Variants in HAGH observed in about 807,000 individuals in gnomAD.
HAGH encodes hydroxyacylglutathione hydrolase, also known as hydroxyacylglutathione hydrolase, mitochondrial.
HAGH carries 29 observed loss-of-function variants against 35.1 expected under a neutral mutation model. That is an observed-to-expected ratio of 0.83 (90% CI 0.62 to 1.13). The LOEUF (loss-of-function observed/expected upper bound fraction) is 1.13, where lower values mean the gene tolerates loss of function less well. Ranked by LOEUF, HAGH falls within the 50% of genes most tolerant of loss-of-function variation. The probability of loss-of-function intolerance (pLI) is 0.00; values close to 1 mark genes in which losing one functional copy is unlikely to be tolerated. For synonymous variants in HAGH, 225 were observed against 176.1 expected, an observed-to-expected ratio of 1.28 and a Z score of -2.20; for missense variants, 478 against 419.6, an observed-to-expected ratio of 1.14 and a Z score of -1.22.
intron 1 of HAGH, among the ~76,000 whole-genome samples, chr16:1,823,445 T>G (rs1324493594): frequency 1.3e-5 from 2 of 151,834 alleles, no homozygotes; most frequent in Non-Finnish European, 2.9e-5. Flanking sequence ...TTTTTTGTAT[T>G]TTTTAGTAGA....
At chr16:1,822,204 CAG>C in intron 3 of HAGH, 94 bp downstream of exon 3, 2 of 778,338 alleles carry the variant, frequency 2.6e-6, no homozygotes, top group Non-Finnish European at 4.4e-6. Context: ...ACAAAGCAGA[CAG>C]AGCCGTGGGG....
At chr16:1,820,268 C>T (rs568771840) in intron 3 of HAGH, among the ~76,000 whole-genome samples, 1 of 133,008 alleles carries the variant, frequency 7.5e-6, no homozygotes, top group East Asian at 2.2e-4. Context: ...ACCTGGTTCC[C>T]ACCCCCACAT....
At chr16:1,814,250 A>G (rs11864471) in intron 7 of HAGH, among the ~76,000 whole-genome samples, 14,030 of 152,112 alleles carry the variant, frequency 0.092, 799 homozygotes, top group African/African-American at 0.16. Context: ...CAAGGTGGGC[A>G]GATCACCTGA....
rs552557392 is a variant in HAGH, at chr16:1,820,217, G to A, written c.315-203C>T. On this transcript the variant is annotated intron_variant, in intron 3 of 8. Transcript: ENST00000397356. The stretch of plus-strand genomic sequence containing the variant: ...ATCCTGTGGCCAGGGTTCCGAGCGT[G>A]GGGGCCTGGGGTTACCACCTGCACG... 1.1e-3 allele frequency among the ~76,000 whole-genome samples: 171 copies of A among 151,926 alleles called. 3 individuals are homozygous for A. The highest frequency in any genetic ancestry group is 3.9e-4 in the Admixed American group (6 of 15,274).
intron 1 of HAGH, chr16:1,826,507 C>G: frequency 1.0e-6 from 1 of 973,944 alleles, no homozygotes; most frequent in Non-Finnish European, 1.2e-6. Context: ...CCCTGCTTAC[C>G]TAGCGCTTTC....
intron 7 of HAGH, among the ~76,000 whole-genome samples, chr16:1,815,609 A>G (rs1265517450): frequency 6.6e-6 from 1 of 152,192 alleles, no homozygotes; most frequent in Non-Finnish European, 1.5e-5. Context: ...GGGACGCCAC[A>G]TGGGAGGGAC....
intron 2 of HAGH, 128 bp downstream of exon 2, chr16:1,822,737 T>A: frequency 1.3e-6 from 1 of 765,900 alleles, no homozygotes; most frequent in Non-Finnish European, 2.2e-6. Context: ...GTTAACAGAG[T>A]GGCCGGAGAC....
intron 2 of HAGH, among the ~76,000 whole-genome samples, chr16:1,822,619 G>C (rs561780124): frequency 6.6e-6 from 1 of 152,188 alleles, no homozygotes; most frequent in Non-Finnish European, 1.5e-5. Context: ...CACCCCCAGA[G>C]GCAGCATGCA....
Position 1,809,762 on chromosome 16 carries a change from C to A in HAGH, c.819G>T (p.Met273Ile), listed in dbSNP as rs778812917. ...LAEEFTYNPF[M>I]RVREKTVQQH... ...CCTGCCCTGGGCCTCACCTCACTCT[C>A]ATGAAGGGGTTGTAGGTAAACTCCT... The change falls in exon 8 of 9, where the codon ATG becomes ATT. Residue 273 changes from methionine (M) to isoleucine (I), a missense_variant. Transcript: ENST00000397356. The A allele has an allele frequency of 6.2e-7, 1 of 1,612,184 alleles. No homozygotes were observed. Among genetic ancestry groups the A allele is most frequent in the Non-Finnish European group, 8.5e-7 (1 of 1,178,210 alleles).
At chr16:1,820,868 C>T (rs556640224) in intron 3 of HAGH, among the ~76,000 whole-genome samples, 4 of 152,334 alleles carry the variant, frequency 2.6e-5, no homozygotes, top group East Asian at 1.9e-4. Context: ...CACCCACCAT[C>T]GGTGAGCAAA....
intron 2 of HAGH, among the ~76,000 whole-genome samples, 183 bp from the exon 3 acceptor site, chr16:1,822,547 C>T (rs1203279165): frequency 1.3e-5 from 2 of 152,184 alleles, no homozygotes; most frequent in Non-Finnish European, 2.9e-5. Context: ...CTCCTTCCTG[C>T]TCAGCCTGAC....
chr16:1,812,851 C>T (rs990352669), intron 7 of HAGH, among the ~76,000 whole-genome samples: 3 of 152,182 alleles, frequency 2.0e-5, no homozygotes, highest in Non-Finnish European at 4.4e-5. Context: ...TCCAGCACCT[C>T]CTTTCAAACG....
intron 7 of HAGH, chr16:1,810,632 C>T (rs1001770672): frequency 1.3e-5 from 2 of 153,410 alleles, no homozygotes; most frequent in Non-Finnish European, 2.9e-5. Context: ...AGCAGGAAAA[C>T]ACAGGGCGGC....
intron 7 of HAGH, among the ~76,000 whole-genome samples, chr16:1,816,688 G>A (rs1192874765): frequency 2.0e-5 from 3 of 152,218 alleles, no homozygotes; most frequent in Non-Finnish European, 4.4e-5. Flanking sequence ...AGCGTCTGAG[G>A]CCTACTCCAG....
At chr16:1,820,100 G>A (rs1898088909) in intron 3 of HAGH, 86 bp from the exon 4 acceptor site, 1 of 539,540 alleles carries the variant, frequency 1.9e-6, no homozygotes, top group Non-Finnish European at 3.4e-6. Flanking sequence ...TGAGCTGAGG[G>A]GCTGCCTGCT....
intron 1 of HAGH, among the ~76,000 whole-genome samples, chr16:1,823,456 G>A (rs985885941): frequency 6.6e-6 from 1 of 151,788 alleles, no homozygotes; most frequent in Non-Finnish European, 1.5e-5. Flanking sequence ...TTTTAGTAGA[G>A]ACGGGTTTCA....
intron 1 of HAGH, among the ~76,000 whole-genome samples, chr16:1,824,704 T>G: frequency 6.6e-6 from 1 of 152,144 alleles, no homozygotes; most frequent in Non-Finnish European, 1.5e-5. Context: ...AATCCGACCT[T>G]ATTTCCACAG....
intron 7 of HAGH, among the ~76,000 whole-genome samples, chr16:1,814,716 G>A (rs1897810344): frequency 6.6e-6 from 1 of 151,724 alleles, no homozygotes; most frequent in Admixed American, 6.6e-5. Context: ...TGGATAACAC[G>A]GTGAAACCCA....
rs1048834043 is a variant in HAGH at position 1,809,040 on chromosome 16, A to G, written c.*243T>C. On this transcript the variant is annotated 3_prime_UTR_variant, in exon 9 of 9. Coordinates refer to ENST00000397356, the MANE Select transcript of HAGH (RefSeq NM_005326.6). ...GGACTGCAGTGGCTCACGGAGGAGG[A>G]AGGAGGCCCGAGGGGACAAGCAGAG... The G allele has an allele frequency of 4.2e-5, 20 of 470,944 alleles. No individual in the cohort carries two copies. The highest frequency in any genetic ancestry group is 1.2e-4 in the African/African-American group (6 of 51,000). The allele number at this position is 470,944 out of a possible 1,614,324, so 29.2% of individuals were successfully genotyped here.
Sources: gnomAD v4.1 joint callset for allele counts (sites outside exome capture counted in the v4.1 genomes callset) on GRCh38, gnomAD v4.1.1 for gene constraint, MANE v1.5 for transcripts, NCBI Gene and HGNC (gene_info 2026-07-23, HGNC 2026-07-21) for gene names.